Variants in ZNF674 observed in about 807,000 individuals in gnomAD.
ZNF674 encodes zinc finger protein 674, also known as zinc finger family member 674.
ZNF674 carries 2 observed loss-of-function variants against 7.0 expected under a neutral mutation model. The ratio of observed to expected loss-of-function variants is 0.29; its 90% CI spans 0.12 to 0.90. The LOEUF (loss-of-function observed/expected upper bound fraction) is 0.90. ZNF674 is among the 40% of genes least tolerant of loss of function. The pLI is 0.57. For missense variants in ZNF674, 297 were observed against 415.5 expected, an observed-to-expected ratio of 0.71 and a Z score of 2.48; for synonymous variants, 103 against 145.2, an observed-to-expected ratio of 0.71 and a Z score of 2.09.
In ZNF674 at chrX:46,500,478, T is replaced by A. The variant is rs544778598; in HGVS notation, c.1096A>T (p.Ser366Cys). 4 of 1,210,902 alleles carry A rather than the reference T, an allele frequency of 3.3e-6. No individual in the cohort carries two copies. In the East Asian group the frequency reaches 1.2e-4, roughly 36 times the overall value. ...EHGKASDEKP[S>C]PTKHWRTHTK... ...TGAGTTCTCCAATGTTTAGTGGGAC[T>A]GGGCTTCTCATCAGAGGCTTTCCCA... is the stretch of plus-strand genomic sequence containing the variant. The change falls in exon 6 of 6, where the codon AGT becomes TGT. Residue 366 changes from serine to cysteine, a missense_variant. Transcript: ENST00000683375.
At position 46,499,778 on chromosome X, in the gene ZNF674, A is replaced by T. The variant is rs775543902; in HGVS notation, c.*65T>A. 1.2e-6 allele frequency: 1 copy of T among 850,129 alleles called. No homozygotes were observed. The highest frequency in any genetic ancestry group is 3.4e-5 in the East Asian group (1 of 29,344). 70.1% of individuals were successfully genotyped at this position (850,129 alleles called of 1,213,427 possible). The stretch of plus-strand genomic sequence containing the variant: ...TACTCGCCATGATTATTTGACAAAT[A>T]ATGAGACTAGTAATAGTCAAATGAC... On this transcript the variant is annotated 3_prime_UTR_variant, in exon 6 of 6. Coordinates refer to ENST00000683375, the MANE Select transcript of ZNF674 (RefSeq NM_001190417.2).
At chrX:46,524,042 C>CAA (rs112490275) in intron 5 of ZNF674, among the ~76,000 whole-genome samples, 3 of 70,500 alleles carry the variant, frequency 4.3e-5, no homozygotes, top group Non-Finnish European at 5.6e-5. Flanking sequence ...AACTCCATCT[C>CAA]AAAAAAAAAA....
intron 5 of ZNF674, among the ~76,000 whole-genome samples, chrX:46,521,652 G>C (rs779497854): frequency 1.9e-5 from 2 of 107,820 alleles, no homozygotes; most frequent in Non-Finnish European, 3.9e-5. Context: ...AGGCGGGGGA[G>C]GGGGGGGAGG....
intron 3 of ZNF674, among the ~76,000 whole-genome samples, chrX:46,541,589 A>G (rs1212787347): frequency 1.8e-5 from 2 of 111,714 alleles, no homozygotes; most frequent in Non-Finnish European, 3.8e-5. Flanking sequence ...TTTTTAGTTC[A>G]TTAAACTGAC....
At position 46,514,623 on chromosome X, in the gene ZNF674, G is replaced by A. The variant is rs138893607; in HGVS notation, c.239-13288C>T. Among the ~76,000 whole-genome samples, 872 of 112,355 alleles carry A rather than the reference G, an allele frequency of 7.8e-3. 6 individuals are homozygous for A. Among genetic ancestry groups the A allele is most frequent in the African/African-American group, 0.027 (831 of 30,980 alleles). Reference sequence around the variant, plus strand: ...AGGACATCTCCAAGGAAACCATAAAGTGTCAAGAACAGGAAGAATCAGTCT... The same window carrying A: ...AGGACATCTCCAAGGAAACCATAAAATGTCAAGAACAGGAAGAATCAGTCT... On this transcript the variant is annotated intron_variant, in intron 5 of 5. Coordinates refer to ENST00000683375, the MANE Select transcript of ZNF674 (RefSeq NM_001190417.2).
chrX:46,508,709 T>C lies in ZNF674; in HGVS notation c.239-7374A>G, dbSNP rs1233288477. On this transcript the variant is annotated intron_variant, in intron 5 of 5. Transcript: ENST00000683375. Reference sequence around the variant, plus strand: ...CTTGTAAGTTGGATTCCTAGGTATTTTATTCTCTTTGAAGCAATTGTGAAT... The same window carrying C: ...CTTGTAAGTTGGATTCCTAGGTATTCTATTCTCTTTGAAGCAATTGTGAAT... Among the ~76,000 whole-genome samples, 3 of 111,576 alleles carry C rather than the reference T, an allele frequency of 2.7e-5. No individual in the cohort carries two copies. In the Admixed American group the frequency reaches 2.9e-4, roughly 11 times the overall value.
At chrX:46,507,245 G>A (rs947852544) in intron 5 of ZNF674, among the ~76,000 whole-genome samples, 1 of 110,923 alleles carries the variant, frequency 9.0e-6, no homozygotes, top group Middle Eastern at 4.2e-3. Context: ...CCAGCTACTC[G>A]GGAGCCTGAG....
intron 5 of ZNF674, among the ~76,000 whole-genome samples, chrX:46,513,247 T>C (rs5952896): frequency 0.27 from 29,377 of 107,961 alleles, 3,082 homozygotes; most frequent in Middle Eastern, 0.39. Flanking sequence ...TGGCAACGAG[T>C]GAGACTACGT....
chrX:46,521,551 GTGAGACAC>G (rs1175724630), intron 5 of ZNF674, among the ~76,000 whole-genome samples: 1 of 109,400 alleles, frequency 9.1e-6, no homozygotes, highest in Admixed American at 9.9e-5. Context: ...GGGCAACAAA[GTGAGACAC>G]TGTCTCGAAA....
chrX:46,510,747 T>C (rs1260130848), intron 5 of ZNF674, among the ~76,000 whole-genome samples: 1 of 112,435 alleles, frequency 8.9e-6, no homozygotes. Flanking sequence ...GCCGAGATCG[T>C]GCCATTGCAC....
chrX:46,511,689 G>A (rs1280726403), intron 5 of ZNF674, among the ~76,000 whole-genome samples: 3 of 111,923 alleles, frequency 2.7e-5, no homozygotes, highest in Non-Finnish European at 5.6e-5. Flanking sequence ...AGAGATAAGG[G>A]GACTAAAGCC....
intron 3 of ZNF674, among the ~76,000 whole-genome samples, chrX:46,534,919 T>C (rs1249427031): frequency 9.1e-6 from 1 of 109,921 alleles, no homozygotes; most frequent in Non-Finnish European, 1.9e-5. Flanking sequence ...TTTTGTATTT[T>C]TAGTAGAGAC....
intron 5 of ZNF674, among the ~76,000 whole-genome samples, chrX:46,511,119 TA>T (rs945295166): frequency 8.9e-6 from 1 of 111,983 alleles, no homozygotes; most frequent in African/African-American, 3.2e-5. Context: ...TTATTTCCAC[TA>T]AAATCAGAAA....
At chrX:46,515,559 A>G (rs1304297377) in intron 5 of ZNF674, among the ~76,000 whole-genome samples, 6 of 111,418 alleles carry the variant, frequency 5.4e-5, no homozygotes, top group Non-Finnish European at 9.4e-5. Flanking sequence ...TATTATCTTG[A>G]TTGTGGTGAT....
chrX:46,523,162 T>C (rs1413535678), intron 5 of ZNF674: 13 of 239,953 alleles, frequency 5.4e-5, no homozygotes, highest in Non-Finnish European at 7.8e-5. Flanking sequence ...AACACAAAAA[T>C]AAACACAATC....
intron 5 of ZNF674, among the ~76,000 whole-genome samples, chrX:46,517,171 G>A (rs1184666584): frequency 2.7e-5 from 3 of 111,348 alleles, no homozygotes; most frequent in Non-Finnish European, 3.8e-5. Context: ...CCTAGGTGCT[G>A]GAAATATCAA....
intron 2 of ZNF674, among the ~76,000 whole-genome samples, chrX:46,543,154 A>C (rs890221008): frequency 1.8e-5 from 2 of 110,643 alleles, no homozygotes; most frequent in African/African-American, 6.6e-5. Flanking sequence ...GGGTTTCATC[A>C]TGTTGGTCAG....
chrX:46,540,682 G>A (rs894350245), intron 3 of ZNF674, among the ~76,000 whole-genome samples: 5 of 111,467 alleles, frequency 4.5e-5, no homozygotes, highest in Admixed American at 3.8e-4. Flanking sequence ...GTCAAAACCC[G>A]ACTTCCAGGT....
chrX:46,528,585 T>A, intron 4 of ZNF674, 140 bp from the exon 5 acceptor site: 2 of 954,354 alleles, frequency 2.1e-6, no homozygotes, highest in Non-Finnish European at 2.9e-6. Context: ...GTACAGAACA[T>A]TCACATAGCA....
Sources: allele counts gnomAD v4.1 joint callset (sites outside exome capture counted in the v4.1 genomes callset), GRCh38; gene constraint gnomAD v4.1.1; transcripts MANE v1.5; gene names NCBI Gene and HGNC (gene_info 2026-07-23, HGNC 2026-07-21).